The following TRIM14 variants were observed in gnomAD, a reference collection of about 807,000 sequenced individuals.
The protein encoded by TRIM14 is tripartite motif-containing protein 14.
Under a neutral mutation model 44.5 loss-of-function variants are expected in TRIM14, and 28 were observed. That is an observed-to-expected ratio of 0.63 (90% CI 0.47 to 0.86). TRIM14 has a LOEUF of 0.86. Among genes scored for constraint, TRIM14 ranks in the 40% least tolerant of loss-of-function variants. The pLI is 0.00. For synonymous variants in TRIM14, 299 were observed against 269.2 expected (o/e 1.11, Z -1.08); for missense variants, 607 against 611.1 (o/e 0.99, Z 0.07).
At chr9:98,083,065 G>A (rs774827155), downstream of TRIM14, 2 of 1,612,656 alleles carry the variant, frequency 1.2e-6, no homozygotes, top group East Asian at 4.5e-5. Context: ...AAAATAAAGT[G>A]CCATTCTCTG....
chr9:98,073,907 C>G (rs745777244), intron 6 of TRIM14, among the ~76,000 whole-genome samples: 2 of 152,172 alleles, frequency 1.3e-5, no homozygotes, highest in African/African-American at 4.8e-5. Flanking sequence ...CCACTTCAGC[C>G]TCCTGAGTAG....
In TRIM14 at chr9:98,078,303, G is replaced by A. The variant is rs1010935082; in HGVS notation, c.*29-8616C>T. ...CTTCTGCTTCTTGCAGTGTACCAGC[G>A]CATACCCGCTCCAGCCTGAGGACGT... On this transcript the variant is annotated intron_variant, in intron 6 of 6. Transcript: ENST00000375098. 3 of 1,613,958 alleles carry A rather than the reference G, an allele frequency of 1.9e-6. No homozygotes were observed. The highest frequency in any genetic ancestry group is 2.7e-5 in the African/African-American group (2 of 74,940).
At chr9:98,069,426 A>G (rs1564159370) in exon 7 of TRIM14, 1 of 152,190 alleles carries the variant, frequency 6.6e-6, no homozygotes, top group Non-Finnish European at 1.5e-5. Flanking sequence ...GGCACATGCC[A>G]TGGTGCCCGG....
the TRIM14 span, among the ~76,000 whole-genome samples, chr9:98,056,183 T>C: frequency 6.6e-6 from 1 of 152,212 alleles, no homozygotes; most frequent in Non-Finnish European, 1.5e-5. Flanking sequence ...CCGCCACTTC[T>C]TGAAAACTTA....
At chr9:98,070,977 A>G (rs1253884799) in intron 6 of TRIM14, among the ~76,000 whole-genome samples, 1 of 151,336 alleles carries the variant, frequency 6.6e-6, no homozygotes, top group African/African-American at 2.4e-5. Flanking sequence ...ACAACCAGCT[A>G]ATTTCTAAAT....
chr9:98,111,129 A>G (rs141026076), intron 1 of TRIM14, among the ~76,000 whole-genome samples: 1 of 152,232 alleles, frequency 6.6e-6, no homozygotes, highest in Non-Finnish European at 1.5e-5. Flanking sequence ...AGGTCAGGGA[A>G]GGATCTGATC....
At chr9:98,060,991 G>A in the TRIM14 span, 1 of 1,613,512 alleles carries the variant, frequency 6.2e-7, no homozygotes, top group South Asian at 1.1e-5. Context: ...CCTCTGGCAT[G>A]GATGAGGTGA....
intron 6 of TRIM14, among the ~76,000 whole-genome samples, chr9:98,078,992 C>A (rs1428818905): frequency 6.6e-6 from 1 of 152,110 alleles, no homozygotes; most frequent in African/African-American, 2.4e-5. Flanking sequence ...AACTTCCTGG[C>A]TTTTTCTGCT....
Position 98,084,668 on chromosome 9 carries a change from A to T in TRIM14, c.*2802T>A, listed in dbSNP as rs928658063. 6.6e-6 allele frequency: 1 copy of T among 152,004 alleles called. No homozygotes were observed. The allele number at this position is 152,004 out of a possible 1,614,324, so 9.4% of individuals were successfully genotyped here. A position where few individuals can be genotyped will look rare whatever the true frequency, so the allele number is the denominator to read the frequency against. On this transcript the variant is annotated 3_prime_UTR_variant, in exon 6 of 6. Transcript: ENST00000341469. ...ATCCTGGCATGATACAGCAGTATAT[A>T]TGTTTTTTTTGTTTTTTTTGAGACA...
At chr9:98,051,251 G>C in the TRIM14 span, among the ~76,000 whole-genome samples, 21 of 152,082 alleles carry the variant, frequency 1.4e-4, no homozygotes, top group Non-Finnish European at 1.0e-4. Flanking sequence ...CCTTATCCAG[G>C]GTCCCCATAA....
chr9:98,087,757 C>G lies in TRIM14; in HGVS notation c.1042G>C (p.Gly348Arg). ...GAAYASLRRR[G>R]ASAAARLGCN... ...CCCAGGCGGGCGGCGGCCGAGGCCC[C>G]GCGGCGCCGAAGGGAGGCGTAGGCC... The change falls in exon 6 of 6, where the codon GGG becomes CGG. Residue 348 changes from glycine (G) to arginine (R), a missense_variant. Physicochemically the swap from Gly to Arg is moderately radical, Grantham distance 125. Coordinates refer to ENST00000341469, the MANE Select transcript of TRIM14 (RefSeq NM_014788.4). 2 of 1,539,190 alleles carry G rather than the reference C, an allele frequency of 1.3e-6. No individual in the cohort carries two copies. Among genetic ancestry groups the G allele is most frequent in the South Asian group, 1.2e-5 (1 of 83,260 alleles).
downstream of TRIM14, chr9:98,081,163 C>T (rs1587931927): frequency 1.3e-6 from 2 of 1,561,482 alleles, no homozygotes; most frequent in Non-Finnish European, 8.7e-7. Context: ...TGGTCAGGAC[C>T]AGCCCTCCCT....
chr9:98,041,928 C>T, the TRIM14 span, among the ~76,000 whole-genome samples: 14 of 151,798 alleles, frequency 9.2e-5, no homozygotes, highest in South Asian at 1.0e-3. Context: ...AGTGATCTGC[C>T]CGCCTTGGCC....
In TRIM14 at chr9:98,100,259, G is replaced by C. The variant is rs146321647; in HGVS notation, c.304-95C>G. The C allele has an allele frequency of 9.5e-4, 1,053 of 1,107,956 alleles. 7 individuals are homozygous for C. In the African/African-American group the frequency reaches 0.013, roughly 14 times the overall value. The allele number at this position is 1,107,956 out of a possible 1,614,324, so 68.6% of individuals were successfully genotyped here. On this transcript the variant is annotated intron_variant, in intron 2 of 5. Transcript: ENST00000341469. The stretch of plus-strand genomic sequence containing the variant: ...AAAAATCATAACGTCTGAAATGTGA[G>C]TTCAGTAAAGTGGCCAGTCAGACAC...
At chr9:98,102,085 G>A (rs144323741) in intron 2 of TRIM14, among the ~76,000 whole-genome samples, 140 of 151,938 alleles carry the variant, frequency 9.2e-4, no homozygotes, top group South Asian at 4.2e-3. Context: ...AACAGCAGTG[G>A]GGAGCGAACG....
the TRIM14 span, among the ~76,000 whole-genome samples, chr9:98,048,463 T>C: frequency 5.3e-5 from 8 of 152,326 alleles, no homozygotes; most frequent in Non-Finnish European, 8.8e-5. Flanking sequence ...TAGTTATATA[T>C]GTGTTGTGCG....
chr9:98,078,833 G>T (rs953201846), intron 6 of TRIM14, among the ~76,000 whole-genome samples: 2 of 99,680 alleles, frequency 2.0e-5, no homozygotes, highest in Non-Finnish European at 3.8e-5. Context: ...AGACTCTCAG[G>T]GGGAAAAAAA....
the TRIM14 span, chr9:98,056,681 G>C: frequency 8.6e-6 from 12 of 1,402,768 alleles, no homozygotes; most frequent in Non-Finnish European, 1.0e-5. Flanking sequence ...GCTGCCCGGC[G>C]ACCGCGGGCT....
chr9:98,042,311 AG>A, the TRIM14 span, among the ~76,000 whole-genome samples: 1 of 151,024 alleles, frequency 6.6e-6, no homozygotes, highest in South Asian at 2.1e-4. Flanking sequence ...AAAAAAAAAA[AG>A]TTTTCCTATA....
Sources: gnomAD v4.1 joint callset for allele counts (sites outside exome capture counted in the v4.1 genomes callset) on GRCh38, gnomAD v4.1.1 for gene constraint, MANE v1.5 for transcripts, NCBI Gene and HGNC (gene_info 2026-07-23, HGNC 2026-07-21) for gene names.